The following DSCC1 variants were observed in gnomAD, a reference collection of about 807,000 sequenced individuals.
DSCC1 encodes the protein sister chromatid cohesion protein DCC1.
DSCC1 carries 32 observed loss-of-function variants against 48.2 expected under a neutral mutation model. The ratio of observed to expected loss-of-function variants is 0.66; its 90% CI spans 0.50 to 0.89. DSCC1 has a LOEUF of 0.89. Ranked by LOEUF, DSCC1 falls within the 40% of genes least tolerant of loss-of-function variation. The probability of loss-of-function intolerance (pLI) is 0.00; values close to 1 mark genes in which losing one functional copy is unlikely to be tolerated. For synonymous variants in DSCC1, 150 were observed against 171.5 expected, an observed-to-expected ratio of 0.87 and a Z score of 0.98; for missense variants, 421 against 471.7, an observed-to-expected ratio of 0.89 and a Z score of 1.00.
intron 4 of DSCC1, among the ~76,000 whole-genome samples, chr8:119,845,461 G>A (rs80328302): frequency 1.6e-3 from 248 of 152,158 alleles, no homozygotes; most frequent in Non-Finnish European, 3.1e-3. Context: ...ATTTCTAAAG[G>A]AGAATGTTTC....
chr8:119,835,700 G>A (rs138027582), intron 8 of DSCC1, among the ~76,000 whole-genome samples: 56 of 152,244 alleles, frequency 3.7e-4, no homozygotes, highest in African/African-American at 1.3e-3. Context: ...AATACAAGCA[G>A]TGTAATACAG....
rs1826791796 is a variant in DSCC1, at chr8:119,842,770, TCTTAC to T, written c.769+1_769+5del. The T allele has an allele frequency of 6.2e-7, 1 of 1,606,664 alleles. No homozygotes were observed. The highest frequency in any genetic ancestry group is 8.5e-7 in the Non-Finnish European group (1 of 1,175,252). ...GAGTTAAATGAGAATACTTTCCAAA[TCTTAC>T]CTTCATCTACATATTTCTTCCCATA... On this transcript the variant is annotated splice_donor_variant and splice_donor_5th_base_variant and intron_variant, in intron 6 of 8. Coordinates refer to ENST00000313655, the MANE Select transcript of DSCC1 (RefSeq NM_024094.3). LOFTEE classifies it high-confidence loss of function.
At chr8:119,850,586 A>G in intron 2 of DSCC1, 70 bp from the exon 3 acceptor site, 1 of 1,343,480 alleles carries the variant, frequency 7.4e-7, no homozygotes, top group Non-Finnish European at 1.0e-6. Context: ...AATTACAACT[A>G]ATCAATCTGC....
At chr8:119,851,571 C>A (rs1436022751) in intron 2 of DSCC1, among the ~76,000 whole-genome samples, 1 of 152,032 alleles carries the variant, frequency 6.6e-6, no homozygotes, top group Non-Finnish European at 1.5e-5. Context: ...GATTTCACCC[C>A]AAAAATCTAA....
In DSCC1 at chr8:119,850,442, CAA is replaced by C. The variant is rs781324176; in HGVS notation, c.424_425del (p.Leu142AspfsTer6). 2.6e-5 allele frequency: 41 copies of C among 1,602,078 alleles called. No homozygotes were observed. Among genetic ancestry groups the C allele is most frequent in the Non-Finnish European group, 3.2e-5 (38 of 1,176,036 alleles). On this transcript the variant is annotated frameshift_variant, in exon 3 of 9. Coordinates refer to ENST00000313655, the MANE Select transcript of DSCC1 (RefSeq NM_024094.3). LOFTEE classifies it high-confidence loss of function. The stretch of plus-strand genomic sequence containing the variant: ...CAGGTCCTTCATATGGATTTTCCAT[CAA>C]AAGTTTCTTTAGCTTCTTTAACTTG... ...RPKLKKLKKL[L>X]MENPYEGPDS...
At chr8:119,843,499 G>C in intron 5 of DSCC1, 110 bp downstream of exon 5, 1 of 1,404,480 alleles carries the variant, frequency 7.1e-7, no homozygotes, top group Admixed American at 2.4e-5. Context: ...ATTTCTCAAA[G>C]ATATCAAAAT....
chr8:119,844,013 A>G (rs1004166043), intron 4 of DSCC1, among the ~76,000 whole-genome samples: 7 of 152,052 alleles, frequency 4.6e-5, no homozygotes, highest in Non-Finnish European at 1.0e-4. Flanking sequence ...CTGACCTCAC[A>G]TCGTCAGCCC....
chr8:119,845,105 G>T (rs1826836664), intron 4 of DSCC1, among the ~76,000 whole-genome samples: 1 of 149,516 alleles, frequency 6.7e-6, no homozygotes, highest in Non-Finnish European at 1.5e-5. Flanking sequence ...ATTTATTTGT[G>T]ATGGAGTCTC....
At chr8:119,854,751 G>A (rs1258678956) in intron 1 of DSCC1, among the ~76,000 whole-genome samples, 1 of 152,152 alleles carries the variant, frequency 6.6e-6, no homozygotes, top group East Asian at 1.9e-4. Context: ...AACTGAACCG[G>A]GATGGAAACA....
At chr8:119,850,249 ATTTTATAACTT>A in intron 3 of DSCC1, 122 bp downstream of exon 3, 1 of 921,390 alleles carries the variant, frequency 1.1e-6, no homozygotes, top group Non-Finnish European at 1.5e-6. Flanking sequence ...TGTGCTTGAA[ATTTTATAACTT>A]TTTTAACACA....
At chr8:119,836,431 G>T (rs777246524) in intron 8 of DSCC1, among the ~76,000 whole-genome samples, 1 of 152,062 alleles carries the variant, frequency 6.6e-6, no homozygotes, top group Non-Finnish European at 1.5e-5. Flanking sequence ...AAAGGAGAAG[G>T]GGGCAAAAAT....
chr8:119,840,694 C>T (rs1191569229), intron 7 of DSCC1, among the ~76,000 whole-genome samples: 3 of 152,036 alleles, frequency 2.0e-5, no homozygotes, highest in Non-Finnish European at 4.4e-5. Flanking sequence ...GGCAGATCAC[C>T]TGAGGTCAGG....
At chr8:119,844,236 G>C (rs1018264960) in intron 4 of DSCC1, among the ~76,000 whole-genome samples, 1 of 151,854 alleles carries the variant, frequency 6.6e-6, no homozygotes, top group East Asian at 1.9e-4. Context: ...CCAGGAGTTC[G>C]AGACCAGCCT....
At chr8:119,843,119 ATTTT>A (rs11341051) in intron 5 of DSCC1, among the ~76,000 whole-genome samples, 1 of 139,626 alleles carries the variant, frequency 7.2e-6, no homozygotes, top group African/African-American at 2.6e-5. Flanking sequence ...GTTTTATTTT[ATTTT>A]TTTTTTTTTT....
chr8:119,849,202 A>AAG (rs1826908914), intron 3 of DSCC1, among the ~76,000 whole-genome samples: 1 of 147,726 alleles, frequency 6.8e-6, no homozygotes, highest in Non-Finnish European at 1.5e-5. Context: ...AAAAAAAAAA[A>AAG]AAAAGACTAG....
chr8:119,842,742 TAA>T (rs748044212), intron 6 of DSCC1, 32 bp downstream of exon 6: 15 of 1,582,244 alleles, frequency 9.5e-6, no homozygotes, highest in Non-Finnish European at 1.2e-5. Flanking sequence ...TTTTAACATA[TAA>T]GAGTTAAATG....
In DSCC1 at chr8:119,834,404, G is replaced by A. The variant is rs2131287243; in HGVS notation, c.*489C>T. The A allele has an allele frequency of 6.5e-6, 1 of 153,722 alleles. No homozygotes were observed. The highest frequency in any genetic ancestry group is 1.4e-5 in the Non-Finnish European group (1 of 69,294). The allele number at this position is 153,722 out of a possible 1,614,324, so 9.5% of individuals were successfully genotyped here. On this transcript the variant is annotated 3_prime_UTR_variant, in exon 9 of 9. Transcript: ENST00000313655. The stretch of plus-strand genomic sequence containing the variant: ...TTCAGCCAATTTCATGGATGTAAAC[G>A]ATGGATATAAATAATTGATAGCACC...
At chr8:119,851,179 C>T (rs1202743810) in intron 2 of DSCC1, among the ~76,000 whole-genome samples, 1 of 152,134 alleles carries the variant, frequency 6.6e-6, no homozygotes, top group Non-Finnish European at 1.5e-5. Context: ...AGGTGCCCAA[C>T]AAGTGTTTCA....
chr8:119,842,283 A>G (rs1586577588), intron 6 of DSCC1, among the ~76,000 whole-genome samples: 1 of 151,750 alleles, frequency 6.6e-6, no homozygotes, highest in Non-Finnish European at 1.5e-5. Context: ...CATGTTGGCC[A>G]GGCTTGTCTC....
Sources: allele counts gnomAD v4.1 joint callset (sites outside exome capture counted in the v4.1 genomes callset), GRCh38; gene constraint gnomAD v4.1.1; transcripts MANE v1.5; gene names NCBI Gene and HGNC (gene_info 2026-07-23, HGNC 2026-07-21).